The following FBXL7 variants were observed in gnomAD, a reference collection of about 807,000 sequenced individuals.
FBXL7 encodes the protein F-box/LRR-repeat protein 7.
A neutral mutation model predicts 38.3 loss-of-function variants in FBXL7; 12 were observed. The observed-to-expected ratio is 0.31, with a 90% confidence interval of 0.20 to 0.51. The LOEUF (loss-of-function observed/expected upper bound fraction) is 0.51. FBXL7 is among the 20% of genes least tolerant of loss of function. The pLI is 0.98. For missense variants in FBXL7, 567 were observed against 676.4 expected, an observed-to-expected ratio of 0.84 and a Z score of 1.79; for synonymous variants, 297 against 300.9, an observed-to-expected ratio of 0.99 and a Z score of 0.13.
At chr5:15,538,047 A>G (rs956162217) in intron 1 of FBXL7, among the ~76,000 whole-genome samples, 2 of 152,218 alleles carry the variant, frequency 1.3e-5, no homozygotes, top group African/African-American at 4.8e-5. Context: ...GTACCAGTCA[A>G]ATCAGATCTC....
At chr5:15,689,879 G>C (rs778027497) in intron 2 of FBXL7, among the ~76,000 whole-genome samples, 1 of 152,142 alleles carries the variant, frequency 6.6e-6, no homozygotes, top group Non-Finnish European at 1.5e-5. Context: ...CAGAAATTTT[G>C]ATCTTCATAA....
chr5:15,776,316 C>T (rs1451937169), intron 2 of FBXL7, among the ~76,000 whole-genome samples: 2 of 152,018 alleles, frequency 1.3e-5, no homozygotes, highest in Non-Finnish European at 2.9e-5. Context: ...CTATTTTGCT[C>T]AGGGCACACC....
chr5:15,676,945 T>C (rs969066249), intron 2 of FBXL7, among the ~76,000 whole-genome samples: 4 of 152,202 alleles, frequency 2.6e-5, no homozygotes, highest in African/African-American at 9.6e-5. Context: ...TATTCTTTGA[T>C]TGGAAAGCCA....
intron 1 of FBXL7, among the ~76,000 whole-genome samples, chr5:15,600,289 G>A (rs1178026812): frequency 2.0e-5 from 3 of 152,176 alleles, no homozygotes; most frequent in East Asian, 3.9e-4. Flanking sequence ...GAGGGGCACC[G>A]TCAGGCAGTT....
chr5:15,800,623 G>A (rs764860461), intron 2 of FBXL7, among the ~76,000 whole-genome samples: 1 of 152,138 alleles, frequency 6.6e-6, no homozygotes, highest in Non-Finnish European at 1.5e-5. Context: ...TATTTTGTAC[G>A]TGATAAAATG....
At chr5:15,509,622 A>C (rs540368507) in intron 1 of FBXL7, among the ~76,000 whole-genome samples, 15 of 152,306 alleles carry the variant, frequency 9.8e-5, no homozygotes, top group Admixed American at 2.0e-4. Context: ...ACAACAACAA[A>C]AAAAAGTGAG....
chr5:15,935,059 A>C (rs568119582), intron 3 of FBXL7: 68 of 484,150 alleles, frequency 1.4e-4, no homozygotes, highest in Non-Finnish European at 2.2e-4. Context: ...GAAAGTCTGG[A>C]GGGCTAAGGG....
intron 2 of FBXL7, among the ~76,000 whole-genome samples, chr5:15,656,716 A>C (rs957132597): frequency 6.6e-6 from 1 of 152,138 alleles, no homozygotes; most frequent in Middle Eastern, 3.2e-3. Context: ...TAAAGACAAA[A>C]GGGAACTAGA....
At chr5:15,679,930 G>A (rs1051990857) in intron 2 of FBXL7, among the ~76,000 whole-genome samples, 2 of 152,140 alleles carry the variant, frequency 1.3e-5, no homozygotes, top group African/African-American at 4.8e-5. Flanking sequence ...AGGCAAAGGA[G>A]GTAGGTTTAT....
chr5:15,539,952 T>C (rs1737700155), intron 1 of FBXL7, among the ~76,000 whole-genome samples: 1 of 152,182 alleles, frequency 6.6e-6, no homozygotes, highest in South Asian at 2.1e-4. Flanking sequence ...TTTATGATAA[T>C]GGCTTTTTCA....
At chr5:15,570,438 C>A (rs927326508) in intron 1 of FBXL7, among the ~76,000 whole-genome samples, 13 of 152,158 alleles carry the variant, frequency 8.5e-5, no homozygotes, top group African/African-American at 3.1e-4. Flanking sequence ...GTGGTGATAT[C>A]CCCTTTATCA....
At chr5:15,866,455 T>C (rs770044711) in intron 2 of FBXL7, among the ~76,000 whole-genome samples, 11 of 152,330 alleles carry the variant, frequency 7.2e-5, no homozygotes, top group Admixed American at 1.3e-4. Flanking sequence ...CCACTCATGA[T>C]CAGAAGTTTT....
At chr5:15,754,965 A>G (rs1736252482) in intron 2 of FBXL7, among the ~76,000 whole-genome samples, 1 of 152,192 alleles carries the variant, frequency 6.6e-6, no homozygotes, top group South Asian at 2.1e-4. Context: ...AGAGAGACTG[A>G]TTGGAACTAT....
At chr5:15,721,655 T>G (rs1744197574) in intron 2 of FBXL7, among the ~76,000 whole-genome samples, 1 of 152,122 alleles carries the variant, frequency 6.6e-6, no homozygotes, top group Non-Finnish European at 1.5e-5. Flanking sequence ...CTTTTGAAAT[T>G]ATGCCCTTCC....
intron 2 of FBXL7, among the ~76,000 whole-genome samples, chr5:15,616,381 A>C (rs1740453403): frequency 6.6e-6 from 1 of 152,202 alleles, no homozygotes; most frequent in Non-Finnish European, 1.5e-5. Context: ...TCCGTATAAA[A>C]AATGATATTA....
intron 1 of FBXL7, among the ~76,000 whole-genome samples, chr5:15,506,081 T>TA (rs1736638877): frequency 6.6e-6 from 1 of 152,206 alleles, no homozygotes; most frequent in South Asian, 2.1e-4. Flanking sequence ...TATTCATTCT[T>TA]ACTGTAAATC....
intron 2 of FBXL7, among the ~76,000 whole-genome samples, chr5:15,802,204 T>C (rs1737588428): frequency 6.6e-6 from 1 of 152,098 alleles, no homozygotes; most frequent in African/African-American, 2.4e-5. Flanking sequence ...CTTCCCTCCT[T>C]TGGATCTTCC....
intron 2 of FBXL7, among the ~76,000 whole-genome samples, chr5:15,692,588 A>T (rs773010582): frequency 9.9e-5 from 15 of 152,252 alleles, no homozygotes; most frequent in Non-Finnish European, 1.9e-4. Flanking sequence ...TATTCTGATG[A>T]TAGAGTTTTT....
intron 2 of FBXL7, among the ~76,000 whole-genome samples, chr5:15,816,297 GTACTAC>G (rs1390278599): frequency 1.3e-5 from 2 of 151,888 alleles, no homozygotes; most frequent in African/African-American, 4.8e-5. Flanking sequence ...GTGCCATGGA[GTACTAC>G]TCAGCCATGG....
Sources: allele counts gnomAD v4.1 joint callset (sites outside exome capture counted in the v4.1 genomes callset), GRCh38; gene constraint gnomAD v4.1.1; transcripts MANE v1.5; gene names NCBI Gene and HGNC (gene_info 2026-07-23, HGNC 2026-07-21).